POLB: variants seen among roughly 807,000 people sequenced by gnomAD.
POLB encodes 5'-dRP lyase.
In POLB, 37 loss-of-function variants were observed where a neutral mutation model predicts 52.7. The ratio of observed to expected loss-of-function variants is 0.70; its 90% CI spans 0.54 to 0.92. POLB has a LOEUF of 0.92. Among genes scored for constraint, POLB ranks in the 40% least tolerant of loss-of-function variants. The pLI, the probability that POLB is intolerant of heterozygous loss-of-function variation, is 0.00. For missense variants in POLB, 313 were observed against 400.8 expected (o/e 0.78, Z 1.87); for synonymous variants, 138 against 131.3 (o/e 1.05, Z -0.35).
At chr8:42,366,454 G>A (rs199675954) in intron 11 of POLB, among the ~76,000 whole-genome samples, 1 of 152,130 alleles carries the variant, frequency 6.6e-6, no homozygotes, top group South Asian at 2.1e-4. Context: ...AGAAACTAAG[G>A]CCTTTATGTT....
chr8:42,357,561 G>T, intron 9 of POLB, 169 bp downstream of exon 9: 1 of 486,744 alleles, frequency 2.1e-6, no homozygotes. Flanking sequence ...TGTAACTAGG[G>T]GAAATTCATC....
chr8:42,369,251 G>A lies in POLB; in HGVS notation c.709-20G>A. ...TAAGTTTAGAACATCTTTAAACTTG[G>A]TTTAAAATGTTCATTTTAGGGTGTT... On this transcript the variant is annotated intron_variant, in intron 11 of 13. Coordinates refer to ENST00000265421, the MANE Select transcript of POLB (RefSeq NM_002690.3). 6.8e-7 allele frequency: 1 copy of A among 1,468,706 alleles called. No individual in the cohort carries two copies. The highest frequency in any genetic ancestry group is 9.5e-7 in the Non-Finnish European group (1 of 1,051,164). The allele number at this position is 1,468,706 out of a possible 1,614,324, so 91.0% of individuals were successfully genotyped here.
At chr8:42,366,735 ATGGCAT>A (rs1824062800) in intron 11 of POLB, among the ~76,000 whole-genome samples, 1 of 152,214 alleles carries the variant, frequency 6.6e-6, no homozygotes, top group Admixed American at 6.5e-5. Context: ...AATACTCTGT[ATGGCAT>A]TGGGAAGGTG....
At chr8:42,343,278 C>T (rs536470757) in intron 2 of POLB, among the ~76,000 whole-genome samples, 30 of 137,684 alleles carry the variant, frequency 2.2e-4, no homozygotes, top group Admixed American at 3.8e-4. Context: ...GCCGAGATTG[C>T]GCCACTGCAC....
intron 7 of POLB, among the ~76,000 whole-genome samples, chr8:42,356,415 T>C (rs1027737538): frequency 6.6e-6 from 1 of 152,256 alleles, no homozygotes; most frequent in Non-Finnish European, 1.5e-5. Flanking sequence ...CTGAATTTCC[T>C]AACAGCCTTA....
At chr8:42,359,258 A>G (rs1823523889) in intron 9 of POLB, among the ~76,000 whole-genome samples, 1 of 152,098 alleles carries the variant, frequency 6.6e-6, no homozygotes. Context: ...CCTTTCTTTC[A>G]TAAAGTTACA....
At chr8:42,360,617 A>G (rs1338379973) in intron 9 of POLB, among the ~76,000 whole-genome samples, 1 of 152,204 alleles carries the variant, frequency 6.6e-6, no homozygotes, top group Non-Finnish European at 1.5e-5. Flanking sequence ...ATCTCAGTGG[A>G]GACAGAATTT....
At chr8:42,369,386 G>A (rs752429558) in intron 12 of POLB, 51 bp downstream of exon 12, 24 of 1,031,328 alleles carry the variant, frequency 2.3e-5, no homozygotes, top group African/African-American at 6.4e-5. Flanking sequence ...AACTTGTCTC[G>A]TTTTCTCCCT....
At chr8:42,353,934 T>G (rs1025137004) in intron 6 of POLB, among the ~76,000 whole-genome samples, 2 of 152,198 alleles carry the variant, frequency 1.3e-5, no homozygotes, top group Non-Finnish European at 2.9e-5. Context: ...ATTAGTAGTA[T>G]TACTAAGTTA....
intron 11 of POLB, chr8:42,369,013 T>G: frequency 3.5e-6 from 1 of 283,046 alleles, no homozygotes; most frequent in Non-Finnish European, 6.6e-6. Context: ...TTTGATTAGT[T>G]TCTTGCTTAG....
rs535327390 is a variant in POLB, at chr8:42,338,518, C to G, written c.-107C>G. On this transcript the variant is annotated 5_prime_UTR_variant, in exon 1 of 14. Coordinates refer to ENST00000265421, the MANE Select transcript of POLB (RefSeq NM_002690.3). The stretch of plus-strand genomic sequence containing the variant: ...CATTGTTCCGCCGGTCGCGCCGGAG[C>G]TGGGTTGCTCCTGCTCCCGTCTCCA... 18 of 969,312 alleles carry G rather than the reference C, an allele frequency of 1.9e-5. No homozygotes were observed. Among genetic ancestry groups the G allele is most frequent in the Non-Finnish European group, 3.0e-5 (18 of 601,760 alleles). The allele number at this position is 969,312 out of a possible 1,614,324, so 60.0% of individuals were successfully genotyped here.
At chr8:42,348,025 A>G (rs1476603005) in intron 3 of POLB, among the ~76,000 whole-genome samples, 2 of 152,210 alleles carry the variant, frequency 1.3e-5, no homozygotes, top group East Asian at 1.9e-4. Flanking sequence ...TATAGTGCCC[A>G]TCAAATACAT....
At chr8:42,341,794 C>T (rs764598701) in intron 2 of POLB, 77 of 495,932 alleles carry the variant, frequency 1.6e-4, no homozygotes, top group Non-Finnish European at 2.6e-4. Context: ...CCTCCTGAGC[C>T]GTGGGGAAGC....
At chr8:42,343,338 A>AT (rs1822346164) in intron 2 of POLB, among the ~76,000 whole-genome samples, 2 of 52,440 alleles carry the variant, frequency 3.8e-5, no homozygotes, top group Non-Finnish European at 1.2e-4. Flanking sequence ...AAAAAAAAAA[A>AT]AAAAAAAATA....
chr8:42,352,309 C>T (rs1018244647), intron 5 of POLB, among the ~76,000 whole-genome samples: 1 of 152,182 alleles, frequency 6.6e-6, no homozygotes, highest in African/African-American at 2.4e-5. Flanking sequence ...CTTAGACATC[C>T]TTTTTATGTC....
intron 2 of POLB, chr8:42,342,288 G>C: frequency 1.3e-6 from 2 of 1,535,656 alleles, no homozygotes; most frequent in South Asian, 2.2e-5. Flanking sequence ...CATAGATCTT[G>C]TCCATGCCAA....
At chr8:42,364,084 G>A (rs111460630) in intron 11 of POLB, among the ~76,000 whole-genome samples, 4,215 of 151,876 alleles carry the variant, frequency 0.028, 199 homozygotes, top group African/African-American at 0.095. Flanking sequence ...CTGCCACCAC[G>A]CCCAGCTAAT....
intron 2 of POLB, chr8:42,341,808 C>T (rs1392296568): frequency 1.2e-5 from 6 of 514,698 alleles, no homozygotes; most frequent in African/African-American, 2.0e-5. Flanking sequence ...GGGAAGCTTG[C>T]CTTCTTTTGA....
chr8:42,340,577 G>A (rs1362052667), intron 2 of POLB, among the ~76,000 whole-genome samples: 2 of 152,156 alleles, frequency 1.3e-5, no homozygotes, highest in South Asian at 2.1e-4. Flanking sequence ...CTGTGGTTCC[G>A]GGGAGTCTGC....
Sources: gnomAD v4.1 joint callset for allele counts (sites outside exome capture counted in the v4.1 genomes callset) on GRCh38, gnomAD v4.1.1 for gene constraint, MANE v1.5 for transcripts, NCBI Gene and HGNC (gene_info 2026-07-23, HGNC 2026-07-21) for gene names.